Variants in FRG1 observed in about 807,000 individuals in gnomAD.
FRG1 encodes protein FRG1.
A neutral mutation model predicts 37.0 loss-of-function variants in FRG1; 19 were observed. The ratio of observed to expected loss-of-function variants is 0.51; its 90% CI spans 0.36 to 0.75. The LOEUF (loss-of-function observed/expected upper bound fraction) is 0.75, where lower values mean the gene tolerates loss of function less well. Among genes scored for constraint, FRG1 ranks in the 30% least tolerant of loss-of-function variants. FRG1 has a pLI of 0.00. For synonymous variants in FRG1, 73 were observed against 96.5 expected, an observed-to-expected ratio of 0.76 and a Z score of 1.43; for missense variants, 243 against 301.4, an observed-to-expected ratio of 0.81 and a Z score of 1.44.
chr4:189,960,622 T>C (rs8180168), intron 6 of FRG1, 126 bp from the exon 7 acceptor site: 1 of 1,050,818 alleles, frequency 9.5e-7, no homozygotes, highest in Non-Finnish European at 1.3e-6. Context: ...TTTTTCTGAA[T>C]ATAGTTGCTC....
chr4:189,961,194 C>A (rs1262712442), intron 7 of FRG1: 1 of 185,744 alleles, frequency 5.4e-6, no homozygotes, highest in Non-Finnish European at 1.1e-5. Context: ...CAAAGCTAGT[C>A]ACTCAGGTTA....
At chr4:189,954,219 C>T (rs191785561) in intron 4 of FRG1, among the ~76,000 whole-genome samples, 5 of 151,762 alleles carry the variant, frequency 3.3e-5, no homozygotes, top group South Asian at 2.1e-4. Context: ...AAAAAAAATG[C>T]GTGATACAAA....
At chr4:189,958,587 C>T (rs1737089641) in intron 6 of FRG1, among the ~76,000 whole-genome samples, 1 of 152,258 alleles carries the variant, frequency 6.6e-6, no homozygotes, top group African/African-American at 2.4e-5. Flanking sequence ...AGGCTAAATT[C>T]CCTCATCCGT....
chr4:189,955,625 C>T (rs116337546), intron 5 of FRG1, among the ~76,000 whole-genome samples: 14 of 151,986 alleles, frequency 9.2e-5, no homozygotes, highest in African/African-American at 2.4e-4. Flanking sequence ...AAATAGCATA[C>T]GAAAAGATAG....
At position 189,940,877 on chromosome 4, in the gene FRG1, C is replaced by T. The variant is rs1402439100; in HGVS notation, c.-133C>T. On this transcript the variant is annotated 5_prime_UTR_variant, in exon 1 of 9. Coordinates refer to ENST00000226798, the MANE Select transcript of FRG1 (RefSeq NM_004477.3). Reference sequence around the variant, plus strand: ...GTTTGGGTGAAGACGGAGGCGGGTTCTACAGAGACGTAGGCTGTCAGGGAG... The same window carrying T: ...GTTTGGGTGAAGACGGAGGCGGGTTTTACAGAGACGTAGGCTGTCAGGGAG... The T allele has an allele frequency of 6.1e-6, 4 of 650,746 alleles. No homozygotes were observed. The East Asian group carries it at 8.5e-5, about 14-fold the overall frequency. The allele number at this position is 650,746 out of a possible 1,614,324, so 40.3% of individuals were successfully genotyped here.
In FRG1 at chr4:189,941,037, A is replaced by G. The variant is rs765083955; in HGVS notation, c.28A>G (p.Thr10Ala). Residue 10 changes from threonine to alanine, a missense_variant, in exon 1 of 9, where the codon ACC (threonine) becomes GCC (alanine). By Grantham distance (58) the Thr-to-Ala change is moderately conservative (BLOSUM62 0). Transcript: ENST00000226798. Reference sequence around the variant, plus strand: ...GGCCGAGTACTCCTACGTGAAGTCTACCAAGCTCGTGCTCAAGGGAACCAA... The same window carrying G: ...GGCCGAGTACTCCTACGTGAAGTCTGCCAAGCTCGTGCTCAAGGGAACCAA... MAEYSYVKS[T>A]KLVLKGTKTK... 1.4e-5 allele frequency: 22 copies of G among 1,613,964 alleles called. No individual in the cohort carries two copies. Among genetic ancestry groups the G allele is most frequent in the Non-Finnish European group, 1.9e-5 (22 of 1,179,974 alleles).
intron 4 of FRG1, among the ~76,000 whole-genome samples, chr4:189,953,935 A>G (rs1449515166): frequency 1.3e-5 from 2 of 152,198 alleles, no homozygotes; most frequent in Non-Finnish European, 2.9e-5. Flanking sequence ...AAATGAGGAA[A>G]ATATTTGCAA....
intron 5 of FRG1, among the ~76,000 whole-genome samples, chr4:189,955,509 A>G (rs1343092334): frequency 6.6e-6 from 1 of 152,198 alleles, no homozygotes; most frequent in Non-Finnish European, 1.5e-5. Context: ...CTGTAAGCGA[A>G]CAGTGGAGCT....
At chr4:189,954,021 G>C (rs1486439005) in intron 4 of FRG1, among the ~76,000 whole-genome samples, 1 of 151,900 alleles carries the variant, frequency 6.6e-6, no homozygotes, top group African/African-American at 2.4e-5. Flanking sequence ...GACCCCAGTA[G>C]AAAAACTGCG....
intron 2 of FRG1, among the ~76,000 whole-genome samples, chr4:189,944,795 C>G (rs1736458531): frequency 6.6e-6 from 1 of 152,104 alleles, no homozygotes; most frequent in Non-Finnish European, 1.5e-5. Flanking sequence ...CTCTTGATTG[C>G]TATAATTTCA....
Position 189,955,172 on chromosome 4 carries a change from T to C in FRG1, c.432+21T>C, listed in dbSNP as rs1355483666. ...AAAATGTAAGTGCTGTTATTGTTTA[T>C]AAAAACTTCCTGTCAGTTTAACAGA... is the stretch of plus-strand genomic sequence containing the variant. On this transcript the variant is annotated intron_variant, in intron 5 of 8. Coordinates refer to ENST00000226798, the MANE Select transcript of FRG1 (RefSeq NM_004477.3). 2.1e-6 allele frequency: 3 copies of C among 1,434,690 alleles called. No homozygotes were observed. The African/African-American group carries it at 4.2e-5, about 20-fold the overall frequency. 88.9% of individuals were successfully genotyped at this position (1,434,690 alleles called of 1,614,324 possible). A position where few individuals can be genotyped will look rare whatever the true frequency, so the allele number is the denominator to read the frequency against.
chr4:189,961,299 T>C (rs1233212388), intron 7 of FRG1: 3 of 158,724 alleles, frequency 1.9e-5, no homozygotes, highest in African/African-American at 7.2e-5. Flanking sequence ...CATGCCCTAA[T>C]AGAAGTGGGG....
At chr4:189,956,505 A>C (rs1736988311) in intron 5 of FRG1, among the ~76,000 whole-genome samples, 1 of 152,160 alleles carries the variant, frequency 6.6e-6, no homozygotes, top group Non-Finnish European at 1.5e-5. Flanking sequence ...TGCAAAAGGG[A>C]CTCAGCTGAA....
chr4:189,945,924 GA>G (rs1736509299), intron 2 of FRG1, among the ~76,000 whole-genome samples: 1 of 152,072 alleles, frequency 6.6e-6, no homozygotes, highest in Non-Finnish European at 1.5e-5. Context: ...TTTTTTGTGG[GA>G]AAATTAAAAT....
Position 189,943,233 on chromosome 4 carries a change from AAAAG to A in FRG1, c.96_99del (p.Arg33LysfsTer17). 1 of 1,608,268 alleles carries A rather than the reference AAAAG, an allele frequency of 6.2e-7. No homozygotes were observed. Among genetic ancestry groups the A allele is most frequent in the South Asian group, 1.1e-5 (1 of 89,844 alleles). On this transcript the variant is annotated frameshift_variant, in exon 2 of 9. Transcript: ENST00000226798. LOFTEE classifies it high-confidence loss of function. ...GAAAAAGAGCAAAGATAAGAAAAGA[AAAAG>A]AGAAGAAGATGAAGAAACCCAGCTT...
chr4:189,962,314 A>G (rs921296627), intron 8 of FRG1, among the ~76,000 whole-genome samples: 4 of 152,212 alleles, frequency 2.6e-5, no homozygotes, highest in African/African-American at 7.2e-5. Context: ...AAAACTAAGT[A>G]TAAAAGCTAA....
At chr4:189,941,115 G>A (rs1736272157) in intron 1 of FRG1, 44 bp downstream of exon 1, 2 of 1,550,822 alleles carry the variant, frequency 1.3e-6, no homozygotes, top group Non-Finnish European at 1.8e-6. Flanking sequence ...GTTCTTTTCG[G>A]ACGCACTCCA....
At chr4:189,943,675 T>C (rs1192091390) in intron 2 of FRG1, among the ~76,000 whole-genome samples, 1 of 152,232 alleles carries the variant, frequency 6.6e-6, no homozygotes, top group Non-Finnish European at 1.5e-5. Flanking sequence ...CATTATTTTG[T>C]GAACTCTGAA....
chr4:189,941,460 A>T (rs1311522697), intron 1 of FRG1, among the ~76,000 whole-genome samples: 2 of 150,652 alleles, frequency 1.3e-5, no homozygotes, highest in Non-Finnish European at 2.9e-5. Context: ...AAACTTATTA[A>T]TTTTTTCTAA....
Sources: gnomAD v4.1 joint callset for allele counts (sites outside exome capture counted in the v4.1 genomes callset) on GRCh38, gnomAD v4.1.1 for gene constraint, MANE v1.5 for transcripts, NCBI Gene and HGNC (gene_info 2026-07-23, HGNC 2026-07-21) for gene names.